The following SLC25A13 variants were observed in gnomAD, a reference collection of about 807,000 sequenced individuals.
SLC25A13 encodes the protein electrogenic aspartate/glutamate antiporter SLC25A13, mitochondrial.
SLC25A13 carries 70 observed loss-of-function variants against 85.5 expected under a neutral mutation model. The ratio of observed to expected loss-of-function variants is 0.82; its 90% CI spans 0.68 to 1.00. The LOEUF (loss-of-function observed/expected upper bound fraction) is 1.00. Among genes scored for constraint, SLC25A13 ranks in the 50% least tolerant of loss-of-function variants. The pLI is 0.00. For synonymous variants in SLC25A13, 259 were observed against 288.7 expected, an observed-to-expected ratio of 0.90 and a Z score of 1.04; for missense variants, 765 against 819.8, an observed-to-expected ratio of 0.93 and a Z score of 0.82.
intron 3 of SLC25A13, among the ~76,000 whole-genome samples, chr7:96,256,085 T>C (rs1797624073): frequency 6.6e-6 from 1 of 151,690 alleles, no homozygotes; most frequent in African/African-American, 2.4e-5. Context: ...GCACTAAATA[T>C]AGAAAGGAAA....
intron 1 of SLC25A13, among the ~76,000 whole-genome samples, chr7:96,307,032 C>T (rs769827821): frequency 2.0e-5 from 3 of 152,196 alleles, no homozygotes; most frequent in Admixed American, 6.5e-5. Context: ...CTTCCTTCCC[C>T]TCAGGTAGCC....
intron 5 of SLC25A13, among the ~76,000 whole-genome samples, chr7:96,193,520 G>A (rs1308849495): frequency 1.3e-5 from 2 of 152,202 alleles, no homozygotes; most frequent in Admixed American, 1.3e-4. Context: ...CCCAGCTTAG[G>A]TGATGCAGAT....
chr7:96,157,332 G>T (rs1419586401), intron 13 of SLC25A13, among the ~76,000 whole-genome samples: 2 of 151,938 alleles, frequency 1.3e-5, no homozygotes, highest in Non-Finnish European at 2.9e-5. Flanking sequence ...AAACCAAACT[G>T]TGGTTCCTAT....
At chr7:96,149,144 A>G (rs1378042121) in intron 13 of SLC25A13, among the ~76,000 whole-genome samples, 2 of 152,218 alleles carry the variant, frequency 1.3e-5, no homozygotes, top group Non-Finnish European at 2.9e-5. Context: ...TCCCTGCACT[A>G]CACCATCTGC....
chr7:96,275,097 T>C lies in SLC25A13; in HGVS notation c.212+2099A>G, dbSNP rs539238582. Among the ~76,000 whole-genome samples the C allele has an allele frequency of 2.0e-5, 3 of 152,166 alleles. No individual in the cohort carries two copies. The East Asian group carries it at 5.8e-4, about 29-fold the overall frequency. ...GGCATTGAATCTATATATTACCTTG[T>C]ATGGCCATTTTCACGACATTGATTC... On this transcript the variant is annotated intron_variant, in intron 3 of 17. Coordinates refer to ENST00000265631, the MANE Select transcript of SLC25A13 (RefSeq NM_014251.3).
chr7:96,274,322 G>C (rs1219684703), intron 3 of SLC25A13, among the ~76,000 whole-genome samples: 2 of 152,114 alleles, frequency 1.3e-5, no homozygotes, highest in Non-Finnish European at 2.9e-5. Flanking sequence ...AGAAGTGTCT[G>C]TTCATATCCT....
intron 3 of SLC25A13, among the ~76,000 whole-genome samples, chr7:96,249,958 C>T (rs770262815): frequency 6.7e-6 from 1 of 149,978 alleles, no homozygotes; most frequent in Non-Finnish European, 1.5e-5. Context: ...CTAAGGCGGG[C>T]GGATCATCTG....
At chr7:96,277,164 G>T (rs751817945) in intron 3 of SLC25A13, 32 bp downstream of exon 3, 34 of 1,527,696 alleles carry the variant, frequency 2.2e-5, no homozygotes, top group Non-Finnish European at 2.4e-5. Context: ...CAAACAAAAA[G>T]AATTAAATAA....
intron 1 of SLC25A13, among the ~76,000 whole-genome samples, chr7:96,315,682 T>C (rs1471611533): frequency 6.6e-6 from 1 of 152,154 alleles, no homozygotes; most frequent in African/African-American, 2.4e-5. Flanking sequence ...ATCATCATCA[T>C]GGTAGCATAA....
At chr7:96,123,798 T>C (rs558614688) in intron 15 of SLC25A13, among the ~76,000 whole-genome samples, 10 of 152,178 alleles carry the variant, frequency 6.6e-5, no homozygotes, top group Non-Finnish European at 7.3e-5. Context: ...AAGCAGCAGA[T>C]ACTGGCAAGA....
chr7:96,290,846 C>G (rs1799091563), intron 2 of SLC25A13, among the ~76,000 whole-genome samples: 1 of 152,120 alleles, frequency 6.6e-6, no homozygotes. Context: ...TTTAACACCC[C>G]ACTGTCAACA....
intron 5 of SLC25A13, among the ~76,000 whole-genome samples, chr7:96,200,726 C>T (rs541903413): frequency 3.4e-4 from 52 of 152,274 alleles, no homozygotes; most frequent in African/African-American, 1.3e-3. Flanking sequence ...TTTCCTTGCT[C>T]TTCTAATTTA....
Position 96,193,176 on chromosome 7 carries a change from T to C in SLC25A13, c.476A>G (p.Gln159Arg), listed in dbSNP as rs185718615. 16 of 1,614,136 alleles carry C rather than the reference T, an allele frequency of 9.9e-6. No homozygotes were observed. Among genetic ancestry groups the C allele is most frequent in the Non-Finnish European group, 3.4e-6 (4 of 1,180,006 alleles). The part of the protein sequence containing the change: ...AEFTQFLLEI[Q>R]LEHAKQAFVQ... The stretch of plus-strand genomic sequence containing the variant: ...AAAGGCTTGCTTTGCGTGCTCCAGT[T>C]GTATTTCCTACAAATAAAGAAAGTA... The change falls in exon 6 of 18, where the codon CAA becomes CGA. Residue 159 changes from glutamine to arginine, a missense_variant. Gln to Arg is a conservative substitution (Grantham distance 43). Transcript: ENST00000265631.
chr7:96,234,454 T>C (rs1796669368), intron 4 of SLC25A13, among the ~76,000 whole-genome samples: 1 of 152,134 alleles, frequency 6.6e-6, no homozygotes, highest in East Asian at 1.9e-4. Context: ...AGGCAGATTA[T>C]TCACTTCTTC....
At chr7:96,144,990 A>G (rs1470054555) in intron 14 of SLC25A13, among the ~76,000 whole-genome samples, 1 of 152,210 alleles carries the variant, frequency 6.6e-6, no homozygotes, top group African/African-American at 2.4e-5. Context: ...GCAAGAGCCT[A>G]AAAATTTAGA....
At chr7:96,165,953 C>T (rs567441149) in intron 13 of SLC25A13, among the ~76,000 whole-genome samples, 3 of 152,290 alleles carry the variant, frequency 2.0e-5, no homozygotes, top group East Asian at 1.9e-4. Flanking sequence ...GTATTTGATA[C>T]GTGGCTGGAC....
chr7:96,267,150 G>A (rs529462608), intron 3 of SLC25A13, among the ~76,000 whole-genome samples: 54 of 152,156 alleles, frequency 3.5e-4, no homozygotes, highest in Middle Eastern at 3.2e-3. Flanking sequence ...AACTGCTGAT[G>A]TTTAAATATA....
At chr7:96,192,027 A>G (rs1041999442) in intron 6 of SLC25A13, among the ~76,000 whole-genome samples, 1 of 152,204 alleles carries the variant, frequency 6.6e-6, no homozygotes, top group Non-Finnish European at 1.5e-5. Context: ...AACCACATAA[A>G]TCTTCACTTA....
At chr7:96,154,430 G>A (rs755742531) in intron 13 of SLC25A13, among the ~76,000 whole-genome samples, 67 of 151,948 alleles carry the variant, frequency 4.4e-4, no homozygotes, top group Non-Finnish European at 1.8e-4. Flanking sequence ...CCAAGTAGCT[G>A]GGACTACAGG....
Sources: allele counts gnomAD v4.1 joint callset (sites outside exome capture counted in the v4.1 genomes callset), GRCh38; gene constraint gnomAD v4.1.1; transcripts MANE v1.5; gene names NCBI Gene and HGNC (gene_info 2026-07-23, HGNC 2026-07-21).